Variants in AK8 observed in about 807,000 individuals in gnomAD.
AK8 encodes the protein adenylate kinase 8, also known as ATP-AMP transphosphorylase 8.
Under a neutral mutation model 54.6 loss-of-function variants are expected in AK8, and 44 were observed. The observed-to-expected ratio is 0.81, with a 90% CI of 0.63 to 1.04. AK8 has a LOEUF of 1.04. AK8 is among the 50% of genes least tolerant of loss of function. AK8 has a pLI of 0.00. For synonymous variants in AK8, 239 were observed against 245.6 expected, an observed-to-expected ratio of 0.97 and a Z score of 0.25; for missense variants, 555 against 613.6, an observed-to-expected ratio of 0.90 and a Z score of 1.01.
intron 5 of AK8, among the ~76,000 whole-genome samples, chr9:132,839,666 C>T (rs2131340209): frequency 6.6e-6 from 1 of 152,254 alleles, no homozygotes; most frequent in Non-Finnish European, 1.5e-5. Context: ...GGCTCTGAGC[C>T]TCACAGTTAA....
intron 11 of AK8, among the ~76,000 whole-genome samples, chr9:132,783,067 C>G (rs982342384): frequency 2.6e-5 from 4 of 152,200 alleles, no homozygotes; most frequent in African/African-American, 9.7e-5. Flanking sequence ...AGGAACTTTG[C>G]AGATTGGATT....
At chr9:132,734,482 C>A (rs747348701) in intron 11 of AK8, among the ~76,000 whole-genome samples, 3 of 152,142 alleles carry the variant, frequency 2.0e-5, no homozygotes, top group Non-Finnish European at 4.4e-5. Flanking sequence ...ACGCCTGTAA[C>A]CCCAGCACTG....
At chr9:132,795,027 T>G (rs912974506) in intron 10 of AK8, among the ~76,000 whole-genome samples, 1 of 152,174 alleles carries the variant, frequency 6.6e-6, no homozygotes, top group South Asian at 2.1e-4. Context: ...TCACGAATAT[T>G]TTCACGGTTG....
Position 132,836,605 on chromosome 9 carries a change from A to C in AK8, c.403-7879T>G, listed in dbSNP as rs2131331619. The stretch of plus-strand genomic sequence containing the variant: ...GCTATATTGCCCAGGCTGCTCTCAA[A>C]CTTCTGGCCTCGAGTCATCCTCCTG... On this transcript the variant is annotated intron_variant, in intron 5 of 12. Coordinates refer to ENST00000298545, the MANE Select transcript of AK8 (RefSeq NM_152572.3). 2.0e-5 allele frequency among the ~76,000 whole-genome samples: 3 copies of C among 152,214 alleles called. No homozygotes were observed. In the South Asian group the frequency reaches 6.2e-4, roughly 32 times the overall value.
At chr9:132,750,693 G>A (rs1484566254) in intron 11 of AK8, among the ~76,000 whole-genome samples, 9 of 152,056 alleles carry the variant, frequency 5.9e-5, no homozygotes, top group African/African-American at 1.9e-4. Flanking sequence ...ACCAGGGCGC[G>A]AGCTCCCCCA....
chr9:132,806,429 A>G (rs925595718), intron 10 of AK8, among the ~76,000 whole-genome samples: 2 of 150,820 alleles, frequency 1.3e-5, no homozygotes, highest in Non-Finnish European at 2.9e-5. Context: ...AATTATTTAG[A>G]GAGTCATGCG....
chr9:132,738,103 C>T (rs1336233563), intron 11 of AK8, among the ~76,000 whole-genome samples: 1 of 151,618 alleles, frequency 6.6e-6, no homozygotes. Flanking sequence ...GCCCAGGCTG[C>T]AGTGCAGTGG....
chr9:132,730,320 C>T (rs1487966145), intron 11 of AK8, among the ~76,000 whole-genome samples: 3 of 152,138 alleles, frequency 2.0e-5, no homozygotes, highest in Non-Finnish European at 4.4e-5. Flanking sequence ...GTGTCACCTG[C>T]TCTGTCCAGA....
rs902128647 is a variant in AK8 at position 132,827,965 on chromosome 9, T to G, written c.556+48A>C. 2.6e-6 allele frequency: 4 copies of G among 1,534,642 alleles called. No individual in the cohort carries two copies. In the East Asian group the frequency reaches 7.3e-5, roughly 28 times the overall value. On this transcript the variant is annotated intron_variant, in intron 7 of 12. Coordinates refer to ENST00000298545, the MANE Select transcript of AK8 (RefSeq NM_152572.3). Reference sequence around the variant, plus strand: ...AATGGTAGACGGGCTGTCATCACCATGGACTCTGAAACCCCATGGGGCTGG... The same window carrying G: ...AATGGTAGACGGGCTGTCATCACCAGGGACTCTGAAACCCCATGGGGCTGG...
chr9:132,809,857 C>T (rs1840914053), intron 10 of AK8, among the ~76,000 whole-genome samples: 1 of 152,250 alleles, frequency 6.6e-6, no homozygotes. Flanking sequence ...CCTCAGCCAG[C>T]TGGGCTTATT....
chr9:132,780,455 C>T (rs1220834034), intron 11 of AK8, among the ~76,000 whole-genome samples: 1 of 152,142 alleles, frequency 6.6e-6, no homozygotes, highest in African/African-American at 2.4e-5. Context: ...GTCTGTTTAG[C>T]AAAAGCCAAC....
intron 11 of AK8, among the ~76,000 whole-genome samples, chr9:132,729,340 A>G (rs1358437189): frequency 1.3e-5 from 2 of 152,160 alleles, no homozygotes; most frequent in African/African-American, 4.8e-5. Flanking sequence ...ACCTCAAATA[A>G]TGATCTGGCC....
At chr9:132,739,122 T>G (rs1397147306) in intron 11 of AK8, among the ~76,000 whole-genome samples, 3 of 151,198 alleles carry the variant, frequency 2.0e-5, no homozygotes, top group Admixed American at 1.3e-4. Flanking sequence ...ACTAAAAAAA[T>G]GTATAGAAAA....
chr9:132,839,225 T>A (rs1435685862), intron 5 of AK8, among the ~76,000 whole-genome samples: 3 of 152,338 alleles, frequency 2.0e-5, no homozygotes, highest in East Asian at 3.9e-4. Flanking sequence ...ATTACAGGCG[T>A]GAGCCACCAC....
Position 132,742,084 on chromosome 9 carries a change from C to T in AK8, c.1122-14550G>A, listed in dbSNP as rs1204312341. On this transcript the variant is annotated intron_variant, in intron 11 of 12. Coordinates refer to ENST00000298545, the MANE Select transcript of AK8 (RefSeq NM_152572.3). ...ATCCAGACTGTCGCATGGATCAGAA[C>T]TTCATTCCTCGTGCAGCCAAACAGT... Among the ~76,000 whole-genome samples, 7 of 152,058 alleles carry T rather than the reference C, an allele frequency of 4.6e-5. No individual in the cohort carries two copies. The South Asian group carries it at 8.3e-4, about 18-fold the overall frequency.
At chr9:132,763,798 G>A in intron 11 of AK8, among the ~76,000 whole-genome samples, 1 of 152,200 alleles carries the variant, frequency 6.6e-6, no homozygotes, top group Non-Finnish European at 1.5e-5. Context: ...ATTAAAGTCT[G>A]CTGAATTTAA....
chr9:132,866,877 T>A, intron 3 of AK8, 27 bp downstream of exon 3: 1 of 1,609,762 alleles, frequency 6.2e-7, no homozygotes, highest in South Asian at 1.1e-5. Flanking sequence ...TATTACAGCA[T>A]CACAACACTT....
intron 12 of AK8, among the ~76,000 whole-genome samples, 183 bp from the exon 13 acceptor site, chr9:132,726,108 G>A (rs908765179): frequency 6.6e-6 from 1 of 152,196 alleles, no homozygotes; most frequent in Non-Finnish European, 1.5e-5. Flanking sequence ...GCTACAGAGA[G>A]ATCCAAGATG....
intron 11 of AK8, among the ~76,000 whole-genome samples, chr9:132,772,470 C>G (rs918580698): frequency 2.6e-5 from 4 of 152,146 alleles, no homozygotes; most frequent in African/African-American, 9.7e-5. Context: ...AGAGAGGCAC[C>G]CAGGGCACAC....
Sources: allele counts gnomAD v4.1 joint callset (sites outside exome capture counted in the v4.1 genomes callset), GRCh38; gene constraint gnomAD v4.1.1; transcripts MANE v1.5; gene names NCBI Gene and HGNC (gene_info 2026-07-23, HGNC 2026-07-21).